The following ACADS variants were observed in gnomAD, a reference collection of about 807,000 sequenced individuals.
The protein encoded by ACADS is short-chain specific acyl-CoA dehydrogenase, mitochondrial.
In ACADS, 28 loss-of-function variants were observed where a neutral mutation model predicts 46.8. The observed-to-expected ratio is 0.60, with a 90% CI of 0.44 to 0.82. The LOEUF (loss-of-function observed/expected upper bound fraction) is 0.82. Among genes scored for constraint, ACADS ranks in the 40% least tolerant of loss-of-function variants. The pLI is 0.00. For synonymous variants in ACADS, 236 were observed against 237.7 expected, an observed-to-expected ratio of 0.99 and a Z score of 0.07; for missense variants, 528 against 578.0, an observed-to-expected ratio of 0.91 and a Z score of 0.89.
Position 120,727,778 on chromosome 12 carries a change from T to C in ACADS, c.210+589T>C, listed in dbSNP as rs1334468419. 3.3e-5 allele frequency among the ~76,000 whole-genome samples: 5 copies of C among 152,236 alleles called. No individual in the cohort carries two copies. The East Asian group carries it at 9.7e-4, about 29-fold the overall frequency. ...CTCAAACTCCTGAATTCAGGTGATCTGCCCACCTCGGCCTCCCAAAGTGCT... is the reference window on the plus strand; with the variant it reads ...CTCAAACTCCTGAATTCAGGTGATCCGCCCACCTCGGCCTCCCAAAGTGCT... On this transcript the variant is annotated intron_variant, in intron 2 of 9. Coordinates refer to ENST00000242592, the MANE Select transcript of ACADS (RefSeq NM_000017.4).
Position 120,727,162 on chromosome 12 carries a change from T to A in ACADS, c.183T>A (p.Asp61Glu). Residue 61 changes from aspartate to glutamate, a missense_variant, in exon 2 of 10, where the codon GAT becomes GAA. Transcript: ENST00000242592. ...KELFPIAAQV[D>E]KEHLFPAAQV... ...TGTTTCCCATTGCAGCCCAGGTGGA[T>A]AAGGAACATCTCTTCCCAGCGGCTC... 6.2e-7 allele frequency: 1 copy of A among 1,614,128 alleles called. No individual in the cohort carries two copies. The highest frequency in any genetic ancestry group is 8.5e-7 in the Non-Finnish European group (1 of 1,180,012).
In ACADS at chr12:120,739,288, C is replaced by T. The variant is rs1883577745; in HGVS notation, c.1087-8C>T. 1 of 1,613,044 alleles carries T rather than the reference C, an allele frequency of 6.2e-7. No homozygotes were observed. Among genetic ancestry groups the T allele is most frequent in the Non-Finnish European group, 8.5e-7 (1 of 1,179,978 alleles). ...CTTCTCCCTCCTGAGCCACTGTTCTCATCTCAGGCCATCCAGATCCTGGGC... is the reference window on the plus strand; with the variant it reads ...CTTCTCCCTCCTGAGCCACTGTTCTTATCTCAGGCCATCCAGATCCTGGGC... On this transcript the variant is annotated splice_region_variant and splice_polypyrimidine_tract_variant and intron_variant, in intron 9 of 9. Transcript: ENST00000242592.
rs567335248 is a variant in ACADS at position 120,738,599 on chromosome 12, G to A, written c.862G>A (p.Asp288Asn). The A allele has an allele frequency of 2.5e-5, 41 of 1,613,256 alleles. No individual in the cohort carries two copies. The highest frequency in any genetic ancestry group is 1.2e-4 in the South Asian group (11 of 91,086). The change falls in exon 7 of 10, where the codon GAT (aspartate) becomes AAT (asparagine). Residue 288 changes from aspartate to asparagine, a missense_variant. By Grantham distance (23) the Asp-to-Asn change is conservative. Coordinates refer to ENST00000242592, the MANE Select transcript of ACADS (RefSeq NM_000017.4). Reference protein sequence around the residue: ...QALGIAQTALDCAVNYAENRM... With the variant: ...QALGIAQTALNCAVNYAENRM... Reference sequence around the variant, plus strand: ...CCTGGGCATTGCCCAGACCGCCCTCGATTGTGCTGTGAACTACGCTGAGAA... The same window carrying A: ...CCTGGGCATTGCCCAGACCGCCCTCAATTGTGCTGTGAACTACGCTGAGAA...
At chr12:120,729,236 A>G (rs7978125) in intron 2 of ACADS, among the ~76,000 whole-genome samples, 76,563 of 150,000 alleles carry the variant, frequency 0.51, 20,876 homozygotes, top group African/African-American at 0.72. Context: ...TTTTCCCTTG[A>G]CTGCTTCTCT....
At chr12:120,732,484 G>A (rs1295331753) in intron 2 of ACADS, among the ~76,000 whole-genome samples, 1 of 151,308 alleles carries the variant, frequency 6.6e-6, no homozygotes, top group Non-Finnish European at 1.5e-5. Context: ...TGGCTGCCGG[G>A]CGGAGGGGCT....
At position 120,727,118 on chromosome 12, in the gene ACADS, G is replaced by T; in HGVS notation, c.139G>T (p.Asp47Tyr). The change falls in exon 2 of 10, where the codon GAC becomes TAC. Residue 47 changes from aspartate (D) to tyrosine (Y), a missense_variant. Coordinates refer to ENST00000242592, the MANE Select transcript of ACADS (RefSeq NM_000017.4). Reference sequence around the variant, plus strand: ...CCAGATGTTGCTCCAGACATGCCGGGACTTTGCCGAGAAGGAGTTGTTTCC... The same window carrying T: ...CCAGATGTTGCTCCAGACATGCCGGTACTTTGCCGAGAAGGAGTTGTTTCC... ...THQMLLQTCRDFAEKELFPIA... is the reference protein window; with the variant it reads ...THQMLLQTCRYFAEKELFPIA... 1 of 1,614,180 alleles carries T rather than the reference G, an allele frequency of 6.2e-7. No individual in the cohort carries two copies. Among genetic ancestry groups the T allele is most frequent in the Non-Finnish European group, 8.5e-7 (1 of 1,180,010 alleles).
Position 120,738,533 on chromosome 12 carries a change from C to T in ACADS, c.796C>T (p.Gln266Ter), listed in dbSNP as rs758286855. ...EPGMGFKIAM[Q>*]TLDMGRIGIA... ...CCACTGACCAGGGCGGTCCCCACAG[C>T]AAACCCTGGACATGGGCCGCATCGG... is the stretch of plus-strand genomic sequence containing the variant. The change falls in exon 7 of 10, where the codon CAA becomes TAA. Residue 266 changes from glutamine (Q) to a stop codon, truncating the protein, a stop_gained and splice_region_variant. Transcript: ENST00000242592. LOFTEE classifies it high-confidence loss of function. 1.9e-6 allele frequency: 3 copies of T among 1,608,942 alleles called. No homozygotes were observed. Among genetic ancestry groups the T allele is most frequent in the Non-Finnish European group, 2.5e-6 (3 of 1,179,810 alleles).
intron 4 of ACADS, 150 bp from the exon 5 acceptor site, chr12:120,737,687 G>A: frequency 8.1e-7 from 1 of 1,235,114 alleles, no homozygotes; most frequent in South Asian, 1.4e-5. Context: ...TCGCCCTCTG[G>A]TCCCATCACT....
chr12:120,737,019 A>G lies in ACADS; in HGVS notation c.244A>G (p.Met82Val), dbSNP rs746708682. 1 of 1,610,920 alleles carries G rather than the reference A, an allele frequency of 6.2e-7. No individual in the cohort carries two copies. The highest frequency in any genetic ancestry group is 1.1e-5 in the South Asian group (1 of 90,160). The change falls in exon 3 of 10, where the codon ATG (methionine) becomes GTG (valine). Residue 82 changes from methionine to valine, a missense_variant. Physicochemically the swap from Met to Val is conservative, Grantham distance 21. Coordinates refer to ENST00000242592, the MANE Select transcript of ACADS (RefSeq NM_000017.4). ...KKMGGLGLLA[M>V]DVPEELGGAG... ...GATGGGCGGGCTTGGGCTTCTGGCC[A>G]TGGACGTGCCCGAGGAGCTTGGCGG...
rs1248096433 is a variant in ACADS at position 120,739,804 on chromosome 12, G to C, written c.*356G>C. 9.2e-6 allele frequency: 3 copies of C among 326,950 alleles called. No individual in the cohort carries two copies. Among genetic ancestry groups the C allele is most frequent in the African/African-American group, 6.4e-5 (3 of 46,934 alleles). The allele number at this position is 326,950 out of a possible 1,614,324, so 20.3% of individuals were successfully genotyped here. A position where few individuals can be genotyped will look rare whatever the true frequency, so the allele number is the denominator to read the frequency against. ...CCCAGTGCGACAGGCCCTTGGTGGG[G>C]TCTGTCTTTTCCTTGAGGTCAGAGG... On this transcript the variant is annotated 3_prime_UTR_variant, in exon 10 of 10. Coordinates refer to ENST00000242592, the MANE Select transcript of ACADS (RefSeq NM_000017.4).
chr12:120,726,656 G>C (rs903312839), intron 1 of ACADS, among the ~76,000 whole-genome samples: 4 of 152,242 alleles, frequency 2.6e-5, no homozygotes, highest in Non-Finnish European at 5.9e-5. Flanking sequence ...TAAGGTCACA[G>C]AGCTGAGGTC....
chr12:120,728,845 T>G lies in ACADS; in HGVS notation c.210+1656T>G, dbSNP rs1267567344. On this transcript the variant is annotated intron_variant, in intron 2 of 9. Transcript: ENST00000242592. This position sits in a 1 kb window ranked among gnomAD's most constrained non-coding sequence, Gnocchi z 4.0. ...TTAAAAGGGACGTAAAACATTGTTT[T>G]TATATGAGGGACCCACTAACCGTTT... 6.6e-6 allele frequency among the ~76,000 whole-genome samples: 1 copy of G among 152,184 alleles called. No individual in the cohort carries two copies. The highest frequency in any genetic ancestry group is 1.5e-5 in the Non-Finnish European group (1 of 68,030).
rs1271188770 is a variant in ACADS at position 120,727,146 on chromosome 12, T to C, written c.167T>C (p.Ile56Thr). 6 of 1,614,014 alleles carry C rather than the reference T, an allele frequency of 3.7e-6. No individual in the cohort carries two copies. The highest frequency in any genetic ancestry group is 1.1e-5 in the South Asian group (1 of 91,084). ...TTTGCCGAGAAGGAGTTGTTTCCCA[T>C]TGCAGCCCAGGTGGATAAGGAACAT... is the stretch of plus-strand genomic sequence containing the variant. The part of the protein sequence containing the change: ...RDFAEKELFP[I>T]AAQVDKEHLF... Residue 56 changes from isoleucine (I) to threonine (T), a missense_variant, in exon 2 of 10, where the codon ATT becomes ACT. Ile to Thr is a moderately conservative substitution (Grantham distance 89). Transcript: ENST00000242592.
Position 120,738,808 on chromosome 12 carries a change from G to C in ACADS, c.934-12G>C. The C allele has an allele frequency of 6.2e-7, 1 of 1,613,884 alleles. No homozygotes were observed. The highest frequency in any genetic ancestry group is 8.5e-7 in the Non-Finnish European group (1 of 1,180,024). The stretch of plus-strand genomic sequence containing the variant: ...AGCTGCTGACCTGTGGTGTGGGGTG[G>C]GGCTATTGCAGTTCAAGTTGGCAGA... On this transcript the variant is annotated splice_polypyrimidine_tract_variant and intron_variant, in intron 7 of 9. Coordinates refer to ENST00000242592, the MANE Select transcript of ACADS (RefSeq NM_000017.4).
At chr12:120,730,272 C>T (rs1025820633) in intron 2 of ACADS, among the ~76,000 whole-genome samples, 7 of 152,260 alleles carry the variant, frequency 4.6e-5, no homozygotes, top group East Asian at 1.9e-4. Flanking sequence ...TGAGCCACCG[C>T]GCCCAGCTGG....
At position 120,728,393 on chromosome 12, in the gene ACADS, G is replaced by T. The variant is rs1208993423; in HGVS notation, c.210+1204G>T. 6.6e-6 allele frequency among the ~76,000 whole-genome samples: 1 copy of T among 151,898 alleles called. No individual in the cohort carries two copies. The highest frequency in any genetic ancestry group is 1.5e-5 in the Non-Finnish European group (1 of 68,022). On this transcript the variant is annotated intron_variant, in intron 2 of 9. Coordinates refer to ENST00000242592, the MANE Select transcript of ACADS (RefSeq NM_000017.4). This position sits in a 1 kb window ranked among gnomAD's most constrained non-coding sequence, Gnocchi z 4.0. ...CTGACCTAAAGATGTCCAGCACCTG[G>T]TGTAAACACTCAGTAGTAGATAGTT...
rs777162096 is a variant in ACADS at position 120,737,943 on chromosome 12, G to C, written c.579G>C (p.Ser193=). 2 of 1,613,970 alleles carry C rather than the reference G, an allele frequency of 1.2e-6. No homozygotes were observed. The highest frequency in any genetic ancestry group is 1.3e-5 in the African/African-American group (1 of 74,908). Residue 193 remains serine (S), a synonymous_variant, in exon 5 of 10, where the codon TCG becomes TCC. Coordinates refer to ENST00000242592, the MANE Select transcript of ACADS (RefSeq NM_000017.4). ...GGATCACCAATGCCTGGGAGGCTTC[G>C]GCTGCCGTGGTCTTTGCCAGCACGG... ...KAWITNAWEA[S]AAVVFASTDR... is the part of the protein sequence containing the mutation.
chr12:120,738,471 G>A (rs1226940290), intron 6 of ACADS, 21 bp downstream of exon 6: 2 of 1,606,916 alleles, frequency 1.2e-6, no homozygotes, highest in Non-Finnish European at 1.7e-6. Flanking sequence ...CAGTGGGGGT[G>A]GCACCTTGAG....
At position 120,738,396 on chromosome 12, in the gene ACADS, C is replaced by T; in HGVS notation, c.741C>T (p.Arg247=). ...CCAACCTCATCTTTGAGGACTGTCG[C>T]ATCCCCAAGGACAGCATCCTGGGGG... ...STANLIFEDC[R]IPKDSILGEP... The change falls in exon 6 of 10, where the codon CGC becomes CGT. Residue 247 remains arginine (R), a synonymous_variant. Transcript: ENST00000242592. 1 of 1,613,808 alleles carries T rather than the reference C, an allele frequency of 6.2e-7. No individual in the cohort carries two copies.
Sources: allele counts gnomAD v4.1 joint callset (sites outside exome capture counted in the v4.1 genomes callset), GRCh38; gene constraint gnomAD v4.1.1; non-coding constraint Gnocchi (gnomAD v3.1); transcripts MANE v1.5; gene names NCBI Gene and HGNC (gene_info 2026-07-23, HGNC 2026-07-21).